Variants in L3MBTL4 observed in about 807,000 individuals in gnomAD.
The protein encoded by L3MBTL4 is lethal(3)malignant brain tumor-like protein 4.
Under a neutral mutation model 84.5 loss-of-function variants are expected in L3MBTL4, and 70 were observed. The ratio of observed to expected loss-of-function variants is 0.83; its 90% confidence interval spans 0.68 to 1.01. The LOEUF (loss-of-function observed/expected upper bound fraction) is 1.01, where lower values mean the gene tolerates loss of function less well. Ranked by LOEUF, L3MBTL4 falls within the 50% of genes least tolerant of loss-of-function variation. The pLI, the probability that L3MBTL4 is intolerant of heterozygous loss-of-function variation, is 0.00. For synonymous variants in L3MBTL4, 274 were observed against 259.8 expected, an observed-to-expected ratio of 1.05 and a Z score of -0.52; for missense variants, 715 against 754.8, an observed-to-expected ratio of 0.95 and a Z score of 0.62.
At chr18:6,319,390 TA>T (rs1042347597) in intron 1 of L3MBTL4, among the ~76,000 whole-genome samples, 1 of 151,512 alleles carries the variant, frequency 6.6e-6, no homozygotes, top group African/African-American at 2.4e-5. Context: ...TAACCAAAAA[TA>T]AAAATAAAAT....
chr18:6,247,999 C>T (rs1396687460), intron 5 of L3MBTL4, among the ~76,000 whole-genome samples: 1 of 152,108 alleles, frequency 6.6e-6, no homozygotes, highest in African/African-American at 2.4e-5. Flanking sequence ...TCACTAGTTA[C>T]ATACAAAATG....
chr18:6,136,062 A>G (rs2060018433), intron 14 of L3MBTL4, among the ~76,000 whole-genome samples: 1 of 152,194 alleles, frequency 6.6e-6, no homozygotes, highest in Admixed American at 6.5e-5. Context: ...AAGAAAGCAA[A>G]AGTGGAAACC....
intron 1 of L3MBTL4, among the ~76,000 whole-genome samples, chr18:6,323,033 A>C (rs1008595606): frequency 6.6e-6 from 1 of 152,102 alleles, no homozygotes; most frequent in African/African-American, 2.4e-5. Flanking sequence ...GCACCTCCCC[A>C]TTCTCTATCT....
rs116943521 is a variant in L3MBTL4 at position 6,062,246 on chromosome 18, G to T, written c.1444+18635C>A. 7.4e-3 allele frequency among the ~76,000 whole-genome samples: 1,131 copies of T among 151,874 alleles called. 3 individuals carry two copies. Among genetic ancestry groups the T allele is most frequent in the Non-Finnish European group, 0.012 (831 of 67,804 alleles). ...TTCACTTTTGAAGAATAGTTTTACCGCATACAGAATTATAGGTTGTGGGAA... is the reference window on the plus strand; with the variant it reads ...TTCACTTTTGAAGAATAGTTTTACCTCATACAGAATTATAGGTTGTGGGAA... On this transcript the variant is annotated intron_variant, in intron 16 of 18. Coordinates refer to ENST00000317931, the MANE Select transcript of L3MBTL4 (RefSeq NM_001330559.2).
chr18:6,413,691 C>G (rs150721614), intron 1 of L3MBTL4, among the ~76,000 whole-genome samples: 2 of 152,182 alleles, frequency 1.3e-5, no homozygotes, highest in African/African-American at 4.8e-5. Context: ...GGGCCACCAG[C>G]AAGTCATAGT....
chr18:5,961,807 T>C (rs748407148), intron 17 of L3MBTL4, among the ~76,000 whole-genome samples: 1 of 152,128 alleles, frequency 6.6e-6, no homozygotes, highest in Non-Finnish European at 1.5e-5. Flanking sequence ...GAAGGAAGCA[T>C]GTAGAGCACG....
At chr18:6,044,252 G>A (rs2056522720) in intron 16 of L3MBTL4, among the ~76,000 whole-genome samples, 1 of 152,144 alleles carries the variant, frequency 6.6e-6, no homozygotes, top group Non-Finnish European at 1.5e-5. Context: ...TGTGCTAAAA[G>A]AACATTAATA....
intron 13 of L3MBTL4, among the ~76,000 whole-genome samples, chr18:6,140,255 C>T (rs1192581226): frequency 6.6e-6 from 1 of 152,204 alleles, no homozygotes; most frequent in Non-Finnish European, 1.5e-5. Flanking sequence ...CCATAACCCA[C>T]TTCCCTTGTC....
Position 5,995,050 on chromosome 18 carries a change from T to C in L3MBTL4, c.1445-25488A>G, listed in dbSNP as rs528414935. On this transcript the variant is annotated intron_variant, in intron 16 of 18. Coordinates refer to ENST00000317931, the MANE Select transcript of L3MBTL4 (RefSeq NM_001330559.2). ...AGAAATGTGACTTTTCCAAAGTATA[T>C]TGAAAGCTAATTTTCAAAATGGTTG... Among the ~76,000 whole-genome samples the C allele has an allele frequency of 4.6e-5, 7 of 152,382 alleles. No individual in the cohort carries two copies. The South Asian group carries it at 1.0e-3, about 23-fold the overall frequency.
intron 1 of L3MBTL4, among the ~76,000 whole-genome samples, chr18:6,339,454 A>T (rs998789840): frequency 3.9e-5 from 6 of 152,232 alleles, no homozygotes; most frequent in African/African-American, 1.2e-4. Flanking sequence ...AATAATTCAG[A>T]TATGATAAAC....
chr18:6,137,695 A>G (rs2060066087), intron 14 of L3MBTL4, among the ~76,000 whole-genome samples: 1 of 152,242 alleles, frequency 6.6e-6, no homozygotes, highest in East Asian at 1.9e-4. Context: ...TTTTTCTTCA[A>G]AAGCAACATC....
chr18:6,015,938 T>C (rs1368209384), intron 16 of L3MBTL4, among the ~76,000 whole-genome samples: 1 of 152,198 alleles, frequency 6.6e-6, no homozygotes, highest in Non-Finnish European at 1.5e-5. Flanking sequence ...CCAGCCTGCA[T>C]GGCAGAGCAA....
chr18:5,989,621 G>C (rs1227681718), intron 16 of L3MBTL4, among the ~76,000 whole-genome samples: 1 of 152,194 alleles, frequency 6.6e-6, no homozygotes, highest in African/African-American at 2.4e-5. Flanking sequence ...GGGCCTTAAA[G>C]AGGTTCTCAA....
intron 16 of L3MBTL4, among the ~76,000 whole-genome samples, chr18:5,980,242 A>G (rs1315095175): frequency 6.6e-6 from 1 of 152,182 alleles, no homozygotes; most frequent in East Asian, 1.9e-4. Context: ...CACCCTGCAG[A>G]CAGCTCTTCC....
intron 12 of L3MBTL4, among the ~76,000 whole-genome samples, chr18:6,193,487 G>T (rs1305211746): frequency 6.6e-6 from 1 of 152,244 alleles, no homozygotes; most frequent in Non-Finnish European, 1.5e-5. Flanking sequence ...CTGCAGAGCA[G>T]CAATATCCTC....
chr18:6,155,746 G>T (rs552318600), intron 13 of L3MBTL4, among the ~76,000 whole-genome samples: 1 of 151,984 alleles, frequency 6.6e-6, no homozygotes, highest in Non-Finnish European at 1.5e-5. Context: ...GTCATTTAGC[G>T]CTCATTGAAT....
At chr18:6,406,663 G>A (rs2055749123) in intron 1 of L3MBTL4, among the ~76,000 whole-genome samples, 1 of 152,116 alleles carries the variant, frequency 6.6e-6, no homozygotes, top group African/African-American at 2.4e-5. Context: ...GTGAGGTGAG[G>A]CAAGGAACAC....
rs141084172 is a variant in L3MBTL4, at chr18:6,233,399, G to A, written c.784+4565C>T. 4.6e-3 allele frequency among the ~76,000 whole-genome samples: 686 copies of A among 149,776 alleles called. 84 individuals are homozygous for A. Among genetic ancestry groups the A allele is most frequent in the African/African-American group, 0.016 (637 of 39,176 alleles). ...CAAATTGTCCCTGTTTGCAGATGAC[G>A]TGATTGTATATTTAGAAAACCCTAT... On this transcript the variant is annotated intron_variant, in intron 10 of 18. Coordinates refer to ENST00000317931, the MANE Select transcript of L3MBTL4 (RefSeq NM_001330559.2).
In L3MBTL4 at chr18:6,241,148, C is replaced by A. The variant is rs74369855; in HGVS notation, c.552+210G>T. Among the ~76,000 whole-genome samples the A allele has an allele frequency of 4.2e-3, 635 of 152,262 alleles. 8 individuals are homozygous for A. Among genetic ancestry groups the A allele is most frequent in the African/African-American group, 0.015 (616 of 41,548 alleles). ...AGTTTTTAAGTTTTCCCAACTTTTT[C>A]TCATCTAATTGAAGTATTTAATTAT... On this transcript the variant is annotated intron_variant, in intron 8 of 18. Coordinates refer to ENST00000317931, the MANE Select transcript of L3MBTL4 (RefSeq NM_001330559.2).
Sources: gnomAD v4.1 joint callset for allele counts (sites outside exome capture counted in the v4.1 genomes callset) on GRCh38, gnomAD v4.1.1 for gene constraint, MANE v1.5 for transcripts, NCBI Gene and HGNC (gene_info 2026-07-23, HGNC 2026-07-21) for gene names.